Variants in CRTAP observed in about 807,000 individuals in gnomAD.
The protein encoded by CRTAP is cartilage associated protein, also known as cartilage-associated protein.
CRTAP carries 33 observed loss-of-function variants against 42.7 expected under a neutral mutation model. The ratio of observed to expected loss-of-function variants is 0.77; its 90% CI spans 0.59 to 1.03. The LOEUF is 1.03. Among genes scored for constraint, CRTAP ranks in the 50% least tolerant of loss-of-function variants. The probability of loss-of-function intolerance (pLI) is 0.00; values close to 1 mark genes in which losing one functional copy is unlikely to be tolerated. For missense variants in CRTAP, 613 were observed against 533.9 expected (o/e 1.15, Z -1.46); for synonymous variants, 243 against 217.7 (o/e 1.12, Z -1.02).
At chr3:33,142,023 G>A (rs1402655498) in intron 6 of CRTAP, among the ~76,000 whole-genome samples, 2 of 152,188 alleles carry the variant, frequency 1.3e-5, no homozygotes, top group African/African-American at 4.8e-5. Flanking sequence ...GGTTCTGGTG[G>A]TCAAGGCAGA....
chr3:33,142,515 C>T lies in CRTAP; in HGVS notation c.*67C>T, dbSNP rs886058346. The T allele has an allele frequency of 6.7e-7, 1 of 1,503,326 alleles. No homozygotes were observed. 93.1% of individuals were successfully genotyped at this position (1,503,326 alleles called of 1,614,324 possible). A position where few individuals can be genotyped will look rare whatever the true frequency, so the allele number is the denominator to read the frequency against. On this transcript the variant is annotated 3_prime_UTR_variant, in exon 7 of 7. Transcript: ENST00000320954. ...CACAGATTCTTTGTCCTTTTCCCAA[C>T]AGCCCAGGCTGTTGATACCTCAGAG...
chr3:33,124,613 T>G, intron 3 of CRTAP, 34 bp downstream of exon 3: 1 of 1,607,404 alleles, frequency 6.2e-7, no homozygotes, highest in South Asian at 1.1e-5. Context: ...ACTACTCCCA[T>G]GGAATAGTCT....
chr3:33,133,383 C>T (rs920059444), intron 5 of CRTAP, among the ~76,000 whole-genome samples: 6 of 151,648 alleles, frequency 4.0e-5, no homozygotes, highest in Non-Finnish European at 5.9e-5. Flanking sequence ...CTTAGCCTCC[C>T]GAGTAGCTGG....
intron 6 of CRTAP, among the ~76,000 whole-genome samples, chr3:33,140,936 A>C (rs560539123): frequency 1.5e-3 from 222 of 152,306 alleles, no homozygotes; most frequent in African/African-American, 5.3e-3. Context: ...AGTCCCCCTT[A>C]TCAGTCTGTC....
At chr3:33,142,041 CAGAT>C (rs1378535192) in intron 6 of CRTAP, among the ~76,000 whole-genome samples, 2 of 152,150 alleles carry the variant, frequency 1.3e-5, no homozygotes, top group Non-Finnish European at 2.9e-5. Flanking sequence ...AGAAAGGGAA[CAGAT>C]AGAAAATGTT....
At position 33,143,977 on chromosome 3, in the gene CRTAP, G is replaced by C. The variant is rs1275508016; in HGVS notation, c.*1529G>C. On this transcript the variant is annotated 3_prime_UTR_variant, in exon 7 of 7. Transcript: ENST00000320954. ...TGAGATGGGAACCACTGGAGGGTTT[G>C]AACAGAGGAGTGCCTTGATTGATTT... 1 of 152,270 alleles carries C rather than the reference G, an allele frequency of 6.6e-6. No homozygotes were observed. Among genetic ancestry groups the C allele is most frequent in the African/African-American group, 2.4e-5 (1 of 41,440 alleles). 9.4% of individuals were successfully genotyped at this position (152,270 alleles called of 1,614,324 possible).
At chr3:33,125,895 G>A (rs2030053519) in intron 3 of CRTAP, among the ~76,000 whole-genome samples, 1 of 152,072 alleles carries the variant, frequency 6.6e-6, no homozygotes, top group Non-Finnish European at 1.5e-5. Context: ...TTTACCATTT[G>A]TTTGAATCAG....
In CRTAP at chr3:33,145,363, G is replaced by A. The variant is rs973756459; in HGVS notation, c.*2915G>A. ...CCGAGGAGTCAGTGTTATTACTGGT[G>A]GATGCACCGTGTCCACAGCAGCCCC... On this transcript the variant is annotated 3_prime_UTR_variant, in exon 7 of 7. Transcript: ENST00000320954. The surrounding 1 kb of genome is among the most constrained non-coding windows in gnomAD (Gnocchi z 4.3). 6.6e-6 allele frequency: 1 copy of A among 152,368 alleles called. No homozygotes were observed. Among genetic ancestry groups the A allele is most frequent in the South Asian group, 2.1e-4 (1 of 4,836 alleles). The allele number at this position is 152,368 out of a possible 1,614,324, so 9.4% of individuals were successfully genotyped here.
chr3:33,129,692 G>T (rs568426958), intron 3 of CRTAP, among the ~76,000 whole-genome samples: 6 of 151,472 alleles, frequency 4.0e-5, no homozygotes, highest in East Asian at 1.9e-4. Context: ...CGCCCACCAC[G>T]ACGCCCAGCT....
At chr3:33,137,267 G>C (rs1388690993) in intron 6 of CRTAP, among the ~76,000 whole-genome samples, 1 of 152,078 alleles carries the variant, frequency 6.6e-6, no homozygotes. Context: ...AGCCATCCTA[G>C]TAGCTGGGAT....
chr3:33,142,176 G>A (rs1035435339), intron 6 of CRTAP, among the ~76,000 whole-genome samples: 4 of 152,158 alleles, frequency 2.6e-5, no homozygotes, highest in Admixed American at 6.5e-5. Flanking sequence ...GCATGTTGGC[G>A]GATCTCGCAG....
In CRTAP at chr3:33,130,008, A is replaced by G. The variant is rs2030204388; in HGVS notation, c.863A>G (p.Tyr288Cys). The G allele has an allele frequency of 1.2e-6, 2 of 1,613,300 alleles. No homozygotes were observed. Among genetic ancestry groups the G allele is most frequent in the Non-Finnish European group, 1.7e-6 (2 of 1,179,364 alleles). Residue 288 changes from tyrosine (Y) to cysteine (C), a missense_variant, in exon 4 of 7, where the codon TAT becomes TGT. By Grantham distance (194) the Tyr-to-Cys change is radical. Transcript: ENST00000320954. ...AACCTCACCCCAGTTATAGGAGGCTATCCGGTTGAGAAATTTGTGGCTACC... is the reference window on the plus strand; with the variant it reads ...AACCTCACCCCAGTTATAGGAGGCTGTCCGGTTGAGAAATTTGTGGCTACC... The part of the protein sequence containing the change: ...EENLTPVIGG[Y>C]PVEKFVATMY...
chr3:33,124,116 G>C (rs1023050184), intron 2 of CRTAP, among the ~76,000 whole-genome samples: 2 of 152,038 alleles, frequency 1.3e-5, no homozygotes, highest in Non-Finnish European at 2.9e-5. Context: ...CCTGACTTCT[G>C]GCAGCCACTG....
At chr3:33,124,341 T>C in intron 2 of CRTAP, 67 bp from the exon 3 acceptor site, 1 of 1,599,880 alleles carries the variant, frequency 6.3e-7, no homozygotes, top group Non-Finnish European at 8.6e-7. Context: ...TGGTTCCCTT[T>C]GAGATTTCAT....
intron 1 of CRTAP, among the ~76,000 whole-genome samples, chr3:33,118,148 A>G (rs570422993): frequency 6.6e-6 from 1 of 151,854 alleles, no homozygotes; most frequent in Non-Finnish European, 1.5e-5. Context: ...TTTAGTAGAG[A>G]TGGGGTTTCA....
intron 6 of CRTAP, among the ~76,000 whole-genome samples, chr3:33,136,278 A>T (rs1217982350): frequency 6.6e-6 from 1 of 152,126 alleles, no homozygotes; most frequent in African/African-American, 2.4e-5. Context: ...GATGTACCGC[A>T]TTCTGTTTAT....
rs541115424 is a variant in CRTAP at position 33,119,706 on chromosome 3, G to A, written c.472-638G>A. ...AAAAGATATGGTGCAGTCATATTGG[G>A]TAATTGGAGGAAAGTTTAAGAAGGT... is the stretch of plus-strand genomic sequence containing the variant. On this transcript the variant is annotated intron_variant, in intron 1 of 6. Coordinates refer to ENST00000320954, the MANE Select transcript of CRTAP (RefSeq NM_006371.5). Among the ~76,000 whole-genome samples the A allele has an allele frequency of 3.3e-5, 5 of 152,310 alleles. No homozygotes were observed. The South Asian group carries it at 1.0e-3, about 32-fold the overall frequency.
chr3:33,121,683 G>GCCTACTCACC (rs1183948945), intron 2 of CRTAP, among the ~76,000 whole-genome samples: 1 of 152,162 alleles, frequency 6.6e-6, no homozygotes, highest in Non-Finnish European at 1.5e-5. Context: ...GGTCACCCAG[G>GCCTACTCACC]TGAGTAGGAA....
chr3:33,132,576 C>T lies in CRTAP; in HGVS notation c.944C>T (p.Ala315Val), dbSNP rs2030297527. Reference protein sequence around the residue: ...YYKLNDLKNAAPCAVSYLLFD... With the variant: ...YYKLNDLKNAVPCAVSYLLFD... The stretch of plus-strand genomic sequence containing the variant: ...CTAGTGAACGACCTGAAGAATGCAG[C>T]CCCCTGTGCAGTCAGCTATCTGCTC... Residue 315 changes from alanine to valine, a missense_variant, in exon 5 of 7, where the codon GCC becomes GTC. Ala to Val is a moderately conservative substitution (Grantham distance 64). Transcript: ENST00000320954. 1 of 1,614,034 alleles carries T rather than the reference C, an allele frequency of 6.2e-7. No individual in the cohort carries two copies.
Sources: gnomAD v4.1 joint callset for allele counts (sites outside exome capture counted in the v4.1 genomes callset) on GRCh38, gnomAD v4.1.1 for gene constraint, Gnocchi (gnomAD v3.1) non-coding constraint, MANE v1.5 for transcripts, NCBI Gene and HGNC (gene_info 2026-07-23, HGNC 2026-07-21) for gene names.